The following GRIA3 variants were observed in gnomAD, a reference collection of about 807,000 sequenced individuals.
GRIA3 encodes the protein glutamate ionotropic receptor AMPA type subunit 3.
Under a neutral mutation model 63.0 loss-of-function variants are expected in GRIA3, and 3 were observed. That is an observed-to-expected ratio of 0.05 (90% CI 0.02 to 0.12). The LOEUF (loss-of-function observed/expected upper bound fraction) is 0.12. Ranked by LOEUF, GRIA3 falls within the 10% of genes least tolerant of loss-of-function variation. The probability of loss-of-function intolerance (pLI) is 1.00; values close to 1 mark genes in which losing one functional copy is unlikely to be tolerated. For missense variants in GRIA3, 347 were observed against 700.9 expected, an observed-to-expected ratio of 0.50 and a Z score of 5.70; for synonymous variants, 274 against 257.9, an observed-to-expected ratio of 1.06 and a Z score of -0.60.
At chrX:123,415,603 T>A (rs1174187537) in intron 10 of GRIA3, among the ~76,000 whole-genome samples, 2 of 111,466 alleles carry the variant, frequency 1.8e-5, no homozygotes, top group African/African-American at 6.5e-5. Context: ...ATAAGCATCA[T>A]CCACAGACAC....
chrX:123,241,100 T>C (rs1160502443), intron 2 of GRIA3, among the ~76,000 whole-genome samples: 1 of 111,662 alleles, frequency 9.0e-6, no homozygotes, highest in African/African-American at 3.3e-5. Flanking sequence ...AAGAATAAAG[T>C]AGCATGCCCA....
At chrX:123,305,412 T>C (rs1482800907) in intron 3 of GRIA3, among the ~76,000 whole-genome samples, 2 of 112,186 alleles carry the variant, frequency 1.8e-5, no homozygotes, top group Non-Finnish European at 3.8e-5. Context: ...CACTATATTA[T>C]CTGTATATGT....
At chrX:123,310,889 G>T (rs1158327303) in intron 3 of GRIA3, among the ~76,000 whole-genome samples, 1 of 110,019 alleles carries the variant, frequency 9.1e-6, no homozygotes, top group Admixed American at 9.7e-5. Flanking sequence ...TGCAATCCCA[G>T]CTACTCAGGA....
chrX:123,384,075 T>C (rs889630286), intron 5 of GRIA3, among the ~76,000 whole-genome samples: 4 of 112,467 alleles, frequency 3.6e-5, no homozygotes, highest in Non-Finnish European at 7.5e-5. Context: ...ATGGTGTATA[T>C]GTAGCACATT....
intron 3 of GRIA3, among the ~76,000 whole-genome samples, chrX:123,276,787 G>A (rs1318021407): frequency 9.0e-6 from 1 of 111,275 alleles, no homozygotes; most frequent in Non-Finnish European, 1.9e-5. Flanking sequence ...TGTCATTATT[G>A]TGTCCTTCCC....
chrX:123,187,890 T>C (rs1201193748), intron 2 of GRIA3, among the ~76,000 whole-genome samples: 1 of 111,469 alleles, frequency 9.0e-6, no homozygotes, highest in African/African-American at 3.3e-5. Context: ...CATATTGGTA[T>C]TGAGTTGCCT....
chrX:123,226,680 T>C (rs1328866111), intron 2 of GRIA3, among the ~76,000 whole-genome samples: 1 of 111,550 alleles, frequency 9.0e-6, no homozygotes, highest in African/African-American at 3.3e-5. Context: ...TGAGGAAAGG[T>C]GAGGATTCCC....
At chrX:123,374,656 C>G (rs1422524711) in intron 5 of GRIA3, among the ~76,000 whole-genome samples, 1 of 111,096 alleles carries the variant, frequency 9.0e-6, no homozygotes, top group Non-Finnish European at 1.9e-5. Flanking sequence ...GGCTCTCTGT[C>G]TGTTATTGGT....
intron 5 of GRIA3, among the ~76,000 whole-genome samples, chrX:123,380,738 T>C (rs28591452): frequency 0.19 from 20,588 of 108,587 alleles, 1,661 homozygotes; most frequent in African/African-American, 0.31. Context: ...TGTCCTGAAT[T>C]GTATTGCCTA....
At chrX:123,399,038 T>C (rs2045429953) in intron 7 of GRIA3, among the ~76,000 whole-genome samples, 1 of 110,683 alleles carries the variant, frequency 9.0e-6, no homozygotes, top group Non-Finnish European at 1.9e-5. Context: ...TTAGGGCAAA[T>C]GAATTTTTGG....
chrX:123,344,329 G>T (rs2045029574), intron 4 of GRIA3, among the ~76,000 whole-genome samples: 1 of 112,131 alleles, frequency 8.9e-6, no homozygotes, highest in Non-Finnish European at 1.9e-5. Flanking sequence ...CCTATTGTAG[G>T]CACATGCTGT....
intron 4 of GRIA3, among the ~76,000 whole-genome samples, chrX:123,348,052 T>A (rs1367033885): frequency 1.8e-5 from 2 of 111,224 alleles, no homozygotes; most frequent in South Asian, 7.6e-4. Context: ...TGCCATTCCT[T>A]AAAAAATAAA....
At chrX:123,226,726 C>T (rs1233501916) in intron 2 of GRIA3, among the ~76,000 whole-genome samples, 1 of 111,508 alleles carries the variant, frequency 9.0e-6, no homozygotes, top group African/African-American at 3.3e-5. Context: ...GATATTAAAA[C>T]ATAATAATTA....
intron 2 of GRIA3, among the ~76,000 whole-genome samples, chrX:123,205,399 C>T: frequency 8.9e-6 from 1 of 112,316 alleles, no homozygotes; most frequent in Non-Finnish European, 1.9e-5. Flanking sequence ...AACACCTCCA[C>T]ACCTTATTAT....
chrX:123,315,947 A>G (rs5911583), intron 3 of GRIA3, among the ~76,000 whole-genome samples: 53,725 of 106,175 alleles, frequency 0.51, 12,651 homozygotes, highest in Non-Finnish European at 0.71. Flanking sequence ...AAGCCAAGGC[A>G]GGTGGATTGC....
intron 5 of GRIA3, among the ~76,000 whole-genome samples, chrX:123,381,332 C>G (rs1056226537): frequency 2.7e-5 from 3 of 111,592 alleles, no homozygotes; most frequent in Non-Finnish European, 5.6e-5. Context: ...ACACATCTCT[C>G]CTAACCTCCA....
chrX:123,321,702 T>G (rs1309022167), intron 3 of GRIA3, among the ~76,000 whole-genome samples: 4 of 112,251 alleles, frequency 3.6e-5, no homozygotes, highest in Non-Finnish European at 3.8e-5. Context: ...TATCTGATGC[T>G]ATCCCTGTCA....
Position 123,240,774 on chromosome X carries a change from C to G in GRIA3, c.269-12529C>G, listed in dbSNP as rs918202831. 7.6e-4 allele frequency among the ~76,000 whole-genome samples: 85 copies of G among 111,672 alleles called. 1 individual carries two copies. The highest frequency in any genetic ancestry group is 1.1e-3 in the Non-Finnish European group (61 of 53,045). On this transcript the variant is annotated intron_variant, in intron 2 of 15. Coordinates refer to ENST00000620443, the MANE Select transcript of GRIA3 (RefSeq NM_007325.5). ...CTCATTCTTCACCAAAGAGGTACTT[C>G]TCTGTTTGATCATCCTCTCTCCTCT...
chrX:123,283,909 T>C (rs753651907), intron 3 of GRIA3, among the ~76,000 whole-genome samples: 1 of 112,703 alleles, frequency 8.9e-6, no homozygotes, highest in Non-Finnish European at 1.9e-5. Context: ...AAGGGACAGA[T>C]GGCCTCCTCA....
Sources: allele counts gnomAD v4.1 joint callset (sites outside exome capture counted in the v4.1 genomes callset), GRCh38; gene constraint gnomAD v4.1.1; transcripts MANE v1.5; gene names NCBI Gene and HGNC (gene_info 2026-07-23, HGNC 2026-07-21).